The following NEGR1 variants were observed in gnomAD, a reference collection of about 807,000 sequenced individuals.
NEGR1 encodes the protein IgLON family member 4.
Under a neutral mutation model 40.9 loss-of-function variants are expected in NEGR1, and 10 were observed. The ratio of observed to expected loss-of-function variants is 0.24; its 90% CI spans 0.15 to 0.42. The LOEUF (loss-of-function observed/expected upper bound fraction) is 0.42. NEGR1 is among the 10% of genes least tolerant of loss of function. The probability of loss-of-function intolerance (pLI) is 1.00; values close to 1 mark genes in which losing one functional copy is unlikely to be tolerated. For missense variants in NEGR1, 352 were observed against 438.9 expected (o/e 0.80, Z 1.77); for synonymous variants, 185 against 166.8 (o/e 1.11, Z -0.84).
intron 1 of NEGR1, among the ~76,000 whole-genome samples, chr1:72,050,722 T>G (rs1235509841): frequency 6.6e-6 from 1 of 151,478 alleles, no homozygotes; most frequent in Non-Finnish European, 1.5e-5. Flanking sequence ...TAAACTTGAC[T>G]GTGTTTATAA....
At chr1:71,978,038 C>A (rs994545035) in intron 1 of NEGR1, among the ~76,000 whole-genome samples, 1 of 152,118 alleles carries the variant, frequency 6.6e-6, no homozygotes, top group Non-Finnish European at 1.5e-5. Context: ...GAGTTTTTCT[C>A]AAATTGCAAG....
intron 1 of NEGR1, among the ~76,000 whole-genome samples, chr1:72,121,300 T>C (rs1214193715): frequency 6.6e-6 from 1 of 152,006 alleles, no homozygotes; most frequent in African/African-American, 2.4e-5. Context: ...TGCATAGAAT[T>C]CTGAGTCCAT....
intron 6 of NEGR1, among the ~76,000 whole-genome samples, chr1:71,416,277 G>T (rs1264033593): frequency 6.6e-6 from 1 of 152,058 alleles, no homozygotes; most frequent in African/African-American, 2.4e-5. Context: ...GTCTAAACTT[G>T]GAGTTTCATG....
chr1:71,414,696 C>T (rs755984119), intron 6 of NEGR1, among the ~76,000 whole-genome samples: 3 of 152,180 alleles, frequency 2.0e-5, no homozygotes, highest in Non-Finnish European at 4.4e-5. Flanking sequence ...ATATTGCATG[C>T]TCCTGTACTG....
At chr1:72,242,121 A>C (rs2100515723) in intron 1 of NEGR1, among the ~76,000 whole-genome samples, 1 of 151,898 alleles carries the variant, frequency 6.6e-6, no homozygotes, top group South Asian at 2.1e-4. Context: ...TTATCATAGA[A>C]TATCCTTGAT....
chr1:71,875,183 A>T (rs1313744963), intron 2 of NEGR1, among the ~76,000 whole-genome samples: 1 of 152,192 alleles, frequency 6.6e-6, no homozygotes, highest in Non-Finnish European at 1.5e-5. Flanking sequence ...CTTATATTAC[A>T]TCACAAATGC....
At chr1:71,458,146 G>A (rs1646687680) in intron 6 of NEGR1, among the ~76,000 whole-genome samples, 1 of 152,184 alleles carries the variant, frequency 6.6e-6, no homozygotes, top group Admixed American at 6.5e-5. Context: ...ACTCTGAAGA[G>A]CTCATTTATT....
intron 2 of NEGR1, among the ~76,000 whole-genome samples, chr1:71,858,935 T>C (rs1659862235): frequency 6.6e-6 from 1 of 152,042 alleles, no homozygotes; most frequent in African/African-American, 2.4e-5. Context: ...AAGTCCCCAT[T>C]ATCTCATGCC....
intron 2 of NEGR1, among the ~76,000 whole-genome samples, chr1:71,884,039 T>TA: frequency 6.6e-6 from 1 of 152,048 alleles, no homozygotes; most frequent in South Asian, 2.1e-4. Context: ...TCCTTAACCA[T>TA]AACACCATCC....
intron 4 of NEGR1, among the ~76,000 whole-genome samples, chr1:71,654,350 T>C (rs1628661): frequency 0.98 from 149,502 of 152,220 alleles, 73,468 homozygotes; most frequent in Middle Eastern, 1. Context: ...AATATTAATG[T>C]GCCAATATTG....
At chr1:71,534,927 T>C (rs1180976516) in intron 6 of NEGR1, among the ~76,000 whole-genome samples, 3 of 151,578 alleles carry the variant, frequency 2.0e-5, no homozygotes, top group African/African-American at 7.3e-5. Flanking sequence ...ATCAGAGAAA[T>C]GATGTTCTAA....
chr1:71,901,360 A>G (rs1661137898), intron 2 of NEGR1, among the ~76,000 whole-genome samples: 1 of 152,160 alleles, frequency 6.6e-6, no homozygotes, highest in Non-Finnish European at 1.5e-5. Flanking sequence ...TATCTGGTAC[A>G]TTTCTTATTT....
At chr1:72,083,252 TCCTG>T (rs903914266) in intron 1 of NEGR1, among the ~76,000 whole-genome samples, 40 of 151,992 alleles carry the variant, frequency 2.6e-4, no homozygotes, top group Non-Finnish European at 4.9e-4. Flanking sequence ...TTCCATCCCT[TCCTG>T]CCTGCCTGCC....
chr1:72,186,997 C>A (rs1463974666), intron 1 of NEGR1, among the ~76,000 whole-genome samples: 3 of 151,484 alleles, frequency 2.0e-5, no homozygotes, highest in Non-Finnish European at 4.4e-5. Context: ...GGGGAAAACA[C>A]CTTGGTCAAT....
chr1:71,457,461 A>G (rs10889917), intron 6 of NEGR1, among the ~76,000 whole-genome samples: 115,149 of 152,106 alleles, frequency 0.76, 44,034 homozygotes, highest in Non-Finnish European at 0.79. Flanking sequence ...TCAGTCATTC[A>G]TCGCATGTTT....
At chr1:72,138,342 C>T (rs79917622) in intron 1 of NEGR1, among the ~76,000 whole-genome samples, 1 of 151,822 alleles carries the variant, frequency 6.6e-6, no homozygotes, top group African/African-American at 2.4e-5. Flanking sequence ...ATGAAAACTA[C>T]AAAGCAGGGT....
At chr1:72,111,876 A>C (rs918470599) in intron 1 of NEGR1, among the ~76,000 whole-genome samples, 3 of 151,842 alleles carry the variant, frequency 2.0e-5, no homozygotes, top group African/African-American at 7.2e-5. Context: ...TTGCATGTAC[A>C]TACATCCTTG....
chr1:71,820,453 T>C (rs1208297689), intron 2 of NEGR1, among the ~76,000 whole-genome samples: 1 of 151,940 alleles, frequency 6.6e-6, no homozygotes, highest in African/African-American at 2.4e-5. Flanking sequence ...GGCCATTTGA[T>C]TGGGGAAATT....
At chr1:72,059,435 G>A (rs907886599) in intron 1 of NEGR1, among the ~76,000 whole-genome samples, 3 of 151,616 alleles carry the variant, frequency 2.0e-5, no homozygotes, top group Admixed American at 6.6e-5. Flanking sequence ...GACGTGTCAA[G>A]TTGTGACTTG....
Sources: gnomAD v4.1 joint callset for allele counts (sites outside exome capture counted in the v4.1 genomes callset) on GRCh38, gnomAD v4.1.1 for gene constraint, MANE v1.5 for transcripts, NCBI Gene and HGNC (gene_info 2026-07-23, HGNC 2026-07-21) for gene names.